The following IRS2 variants were observed in gnomAD, a reference collection of about 807,000 sequenced individuals.
IRS2 encodes insulin receptor substrate 2.
A neutral mutation model predicts 70.9 loss-of-function variants in IRS2; 28 were observed. That is an observed-to-expected ratio of 0.39 (90% CI 0.29 to 0.54). IRS2 has a LOEUF of 0.54. IRS2 is among the 20% of genes least tolerant of loss of function. The probability of loss-of-function intolerance (pLI) is 0.59; values close to 1 mark genes in which losing one functional copy is unlikely to be tolerated. For synonymous variants in IRS2, 1,217 were observed against 981.9 expected (o/e 1.24, Z -4.48); for missense variants, 2,081 against 2,024.1 (o/e 1.03, Z -0.54).
chr13:109,784,458 G>A lies in IRS2; in HGVS notation c.1596C>T (p.Asp532=), dbSNP rs2138935834. The change falls in exon 1 of 2, where the codon GAC becomes GAT. Residue 532 remains aspartate, a synonymous_variant. Transcript: ENST00000375856. The surrounding 1 kb of genome is among the most constrained non-coding windows in gnomAD (Gnocchi z 5.2). Reference sequence around the variant, plus strand: ...CGTAGAACTCACCGCCGCCGCCGCCGTCTCGGGCCGGGGGCGTCTCCGCGA... The same window carrying A: ...CGTAGAACTCACCGCCGCCGCCGCCATCTCGGGCCGGGGGCGTCTCCGCGA... ...ESIAETPPAR[D]GGGGGEFYGY... is the part of the protein sequence containing the mutation. The A allele has an allele frequency of 6.3e-7, 1 of 1,582,800 alleles. No individual in the cohort carries two copies.
At chr13:109,758,250 C>T (rs1401918427) in intron 1 of IRS2, among the ~76,000 whole-genome samples, 1 of 128,912 alleles carries the variant, frequency 7.8e-6, no homozygotes, top group African/African-American at 2.7e-5. Flanking sequence ...GTCCCTGAGA[C>T]CCTGATTTGG....
chr13:109,770,230 TAGAA>T (rs1266430473), intron 1 of IRS2, among the ~76,000 whole-genome samples: 4 of 152,158 alleles, frequency 2.6e-5, no homozygotes, highest in Non-Finnish European at 5.9e-5. Flanking sequence ...GGGATGCCTA[TAGAA>T]AGAATGTGAT....
rs2138933581 is a variant in IRS2 at position 109,783,746 on chromosome 13, A to G, written c.2308T>C (p.Ser770Pro). Residue 770 changes from serine (S) to proline (P), a missense_variant, in exon 1 of 2, where the codon TCC becomes CCC. Physicochemically the swap from Ser to Pro is moderately conservative, Grantham distance 74 (BLOSUM62 -1). Around this residue, in one of 4 missense-constraint regions of IRS2, gnomAD observed 1,615 missense variants for 1,459.5 expected, o/e 1.11. Coordinates refer to ENST00000375856, the MANE Select transcript of IRS2 (RefSeq NM_003749.3). ...LLPNGDYLNV[S>P]PSDAVTTGTP... is the part of the protein sequence containing the mutation. ...CCCGTGGTGACCGCGTCGCTGGGGGACACGTTGAGGTAGTCCCCGTTGGGC... is the reference window on the plus strand; with the variant it reads ...CCCGTGGTGACCGCGTCGCTGGGGGGCACGTTGAGGTAGTCCCCGTTGGGC... 2 of 1,588,846 alleles carry G rather than the reference A, an allele frequency of 1.3e-6. No homozygotes were observed. The highest frequency in any genetic ancestry group is 1.7e-6 in the Non-Finnish European group (2 of 1,167,922).
At chr13:109,762,084 A>G (rs1000597670) in intron 1 of IRS2, among the ~76,000 whole-genome samples, 2 of 152,196 alleles carry the variant, frequency 1.3e-5, no homozygotes, top group Admixed American at 6.5e-5. Context: ...TTTCCTATAC[A>G]GGAGCCTGTA....
At position 109,786,435 on chromosome 13, in the gene IRS2, T is replaced by G. The variant is rs1877930959; in HGVS notation, c.-382A>C. 1 of 147,348 alleles carries G rather than the reference T, an allele frequency of 6.8e-6. No homozygotes were observed. Among genetic ancestry groups the G allele is most frequent in the African/African-American group, 2.5e-5 (1 of 40,698 alleles). 9.1% of individuals were successfully genotyped at this position (147,348 alleles called of 1,614,324 possible). ...GCGCGCGCGGCCGCACCGGGGCTGC[T>G]GCCGCCGCGTCGCGCTCCGGGAAGC... On this transcript the variant is annotated 5_prime_UTR_variant, in exon 1 of 2. Coordinates refer to ENST00000375856, the MANE Select transcript of IRS2 (RefSeq NM_003749.3). The surrounding 1 kb of genome is among the most constrained non-coding windows in gnomAD (Gnocchi z 4.4).
chr13:109,775,114 CTTTTT>C (rs34415737), intron 1 of IRS2, among the ~76,000 whole-genome samples: 9 of 115,826 alleles, frequency 7.8e-5, no homozygotes, highest in Non-Finnish European at 1.1e-4. Context: ...CAAAATCTTT[CTTTTT>C]TTTTTTTTTT....
rs1484092938 is a variant in IRS2, at chr13:109,785,552, G to A, written c.502C>T (p.Pro168Ser). 6.7e-7 allele frequency: 1 copy of A among 1,484,294 alleles called. No homozygotes were observed. Among genetic ancestry groups the A allele is most frequent in the Non-Finnish European group, 9.0e-7 (1 of 1,112,902 alleles). 91.9% of individuals were successfully genotyped at this position (1,484,294 alleles called of 1,614,324 possible). The change falls in exon 1 of 2, where the codon CCC becomes TCC. Residue 168 changes from proline to serine, a missense_variant. This residue lies in a region of IRS2 where 320 missense variants were observed against 352.9 expected (regional missense o/e 0.91). Transcript: ENST00000375856. The surrounding 1 kb of genome is among the most constrained non-coding windows in gnomAD (Gnocchi z 9.3). Reference protein sequence around the residue: ...APAASCSASLPGALGGSAGAA... With the variant: ...APAASCSASLSGALGGSAGAA... ...CCGGCAGAGCCGCCCAGGGCGCCGGGCAGGGAGGCGCTGCAGGACGCGGCG... is the reference window on the plus strand; with the variant it reads ...CCGGCAGAGCCGCCCAGGGCGCCGGACAGGGAGGCGCTGCAGGACGCGGCG...
rs1248526870 is a variant in IRS2 at position 109,783,272 on chromosome 13, C to T, written c.2782G>A (p.Gly928Arg). The T allele has an allele frequency of 2.7e-6, 4 of 1,458,980 alleles. No homozygotes were observed. The highest frequency in any genetic ancestry group is 3.6e-6 in the Non-Finnish European group (4 of 1,110,486). The allele number at this position is 1,458,980 out of a possible 1,614,324, so 90.4% of individuals were successfully genotyped here. ...EYINIDFGEP[G>R]ARLSPPAPPL... ...GGCGCGGGCGGCGACAGGCGGGCCC[C>T]GGGCTCGCCAAAGTCGATGTTGATG... Residue 928 changes from glycine (G) to arginine (R), a missense_variant, in exon 1 of 2, where the codon GGG (glycine) becomes AGG (arginine). By Grantham distance (125) the Gly-to-Arg change is moderately radical (BLOSUM62 -2). This residue lies in a region of IRS2 where 1,615 missense variants were observed against 1,459.5 expected (regional missense o/e 1.11). Transcript: ENST00000375856.
intron 1 of IRS2, among the ~76,000 whole-genome samples, chr13:109,777,349 A>G: frequency 6.6e-6 from 1 of 152,218 alleles, no homozygotes; most frequent in South Asian, 2.1e-4. Flanking sequence ...AAGAAAATGC[A>G]TTAGTGGGAA....
In IRS2 at chr13:109,782,802, C is replaced by G. The variant is rs768798785; in HGVS notation, c.3252G>C (p.Pro1084=). 7 of 1,595,296 alleles carry G rather than the reference C, an allele frequency of 4.4e-6. No individual in the cohort carries two copies. Among genetic ancestry groups the G allele is most frequent in the South Asian group, 1.1e-5 (1 of 88,738 alleles). Residue 1084 remains proline, a synonymous_variant, in exon 1 of 2, where the codon CCG becomes CCC. Coordinates refer to ENST00000375856, the MANE Select transcript of IRS2 (RefSeq NM_003749.3). ...EMAFGVAATP[P]QPIAAPPKPE... ...GCTTCGGGGGGGCCGCGATAGGTTG[C>G]GGCGGGGTGGCGGCCACACCAAAAG...
chr13:109,784,674 C>A lies in IRS2; in HGVS notation c.1380G>T (p.Pro460=), dbSNP rs893880171. 7 of 1,242,174 alleles carry A rather than the reference C, an allele frequency of 5.6e-6. No individual in the cohort carries two copies. The highest frequency in any genetic ancestry group is 7.0e-6 in the Non-Finnish European group (7 of 996,096). 76.9% of individuals were successfully genotyped at this position (1,242,174 alleles called of 1,614,324 possible). A position where few individuals can be genotyped will look rare whatever the true frequency, so the allele number is the denominator to read the frequency against. ...GAGGCGGGTGCGGGCCGGGCGGCGG[C>A]GGGTAGGAGCCCGAGCCGTGGCCGC... ...SSSGHGSGSY[P]PPPGPHPPLP... Residue 460 remains proline, a synonymous_variant, in exon 1 of 2, where the codon CCG becomes CCT. Coordinates refer to ENST00000375856, the MANE Select transcript of IRS2 (RefSeq NM_003749.3). This position sits in a 1 kb window ranked among gnomAD's most constrained non-coding sequence, Gnocchi z 5.2.
chr13:109,773,659 G>A (rs992569690), intron 1 of IRS2, among the ~76,000 whole-genome samples: 22 of 152,286 alleles, frequency 1.4e-4, no homozygotes, highest in African/African-American at 5.3e-4. Flanking sequence ...AGTAGACACC[G>A]TCCACATAGT....
intron 1 of IRS2, among the ~76,000 whole-genome samples, chr13:109,757,941 C>A (rs1877143592): frequency 6.6e-6 from 1 of 152,224 alleles, no homozygotes; most frequent in Non-Finnish European, 1.5e-5. Flanking sequence ...TTAGGCCTCC[C>A]AAAGTGCTGG....
chr13:109,758,039 TTC>T (rs1477481347), intron 1 of IRS2, among the ~76,000 whole-genome samples: 1 of 152,224 alleles, frequency 6.6e-6, no homozygotes, highest in Non-Finnish European at 1.5e-5. Context: ...GTAAACAATG[TTC>T]TGCCAATGAA....
At position 109,786,245 on chromosome 13, in the gene IRS2, G is replaced by C. The variant is rs1877923082; in HGVS notation, c.-192C>G. 1 of 161,320 alleles carries C rather than the reference G, an allele frequency of 6.2e-6. No individual in the cohort carries two copies. Among genetic ancestry groups the C allele is most frequent in the African/African-American group, 2.4e-5 (1 of 41,136 alleles). 10.0% of individuals were successfully genotyped at this position (161,320 alleles called of 1,614,324 possible). On this transcript the variant is annotated 5_prime_UTR_variant, in exon 1 of 2. Coordinates refer to ENST00000375856, the MANE Select transcript of IRS2 (RefSeq NM_003749.3). The surrounding 1 kb of genome is among the most constrained non-coding windows in gnomAD (Gnocchi z 4.4). Reference sequence around the variant, plus strand: ...GGGGCCAGCACCGCTCGGCGGCGCCGCGCCCTCCGCGCTCTGGGGCTCCTG... The same window carrying C: ...GGGGCCAGCACCGCTCGGCGGCGCCCCGCCCTCCGCGCTCTGGGGCTCCTG...
chr13:109,774,323 C>T (rs926882437), intron 1 of IRS2, among the ~76,000 whole-genome samples: 1 of 152,098 alleles, frequency 6.6e-6, no homozygotes, highest in Non-Finnish European at 1.5e-5. Flanking sequence ...CTTTAAAATT[C>T]ACTAGTAACA....
intron 1 of IRS2, among the ~76,000 whole-genome samples, chr13:109,773,653 G>A (rs7999797): frequency 0.61 from 92,438 of 152,096 alleles, 29,320 homozygotes; most frequent in African/African-American, 0.8. Context: ...CCACTCAGTA[G>A]ACACCGTCCA....
At chr13:109,780,790 C>CTT in intron 1 of IRS2, among the ~76,000 whole-genome samples, 1 of 147,196 alleles carries the variant, frequency 6.8e-6, no homozygotes, top group Admixed American at 6.7e-5. Context: ...AGCCTCTATC[C>CTT]TGCTAGGAAC....
In IRS2 at chr13:109,785,021, C is replaced by T. The variant is rs747212207; in HGVS notation, c.1033G>A (p.Asp345Asn). ...GCCGGCGGGGTGGCGGCCAGGCTGTCGGTGCGCGAGCGGCGCACCAGGCCC... is the reference window on the plus strand; with the variant it reads ...GCCGGCGGGGTGGCGGCCAGGCTGTTGGTGCGCGAGCGGCGCACCAGGCCC... Reference protein sequence around the residue: ...QTGLVRRSRTDSLAATPPAAK... With the variant: ...QTGLVRRSRTNSLAATPPAAK... The change falls in exon 1 of 2, where the codon GAC becomes AAC. Residue 345 changes from aspartate to asparagine, a missense_variant. Asp to Asn is a conservative substitution (Grantham distance 23). Around this residue, in one of 4 missense-constraint regions of IRS2, gnomAD observed 111 missense variants for 133.1 expected, o/e 0.83. Coordinates refer to ENST00000375856, the MANE Select transcript of IRS2 (RefSeq NM_003749.3). This position sits in a 1 kb window ranked among gnomAD's most constrained non-coding sequence, Gnocchi z 9.3. 46 of 1,475,302 alleles carry T rather than the reference C, an allele frequency of 3.1e-5. No homozygotes were observed. Among genetic ancestry groups the T allele is most frequent in the Non-Finnish European group, 3.9e-5 (43 of 1,115,072 alleles). The allele number at this position is 1,475,302 out of a possible 1,614,324, so 91.4% of individuals were successfully genotyped here. A position where few individuals can be genotyped will look rare whatever the true frequency, so the allele number is the denominator to read the frequency against.
Sources: allele counts gnomAD v4.1 joint callset (sites outside exome capture counted in the v4.1 genomes callset), GRCh38; gene constraint gnomAD v4.1.1; regional missense constraint gnomAD v4.1.1; non-coding constraint Gnocchi (gnomAD v3.1); transcripts MANE v1.5; gene names NCBI Gene and HGNC (gene_info 2026-07-23, HGNC 2026-07-21).